The following LAMC3 variants were observed in gnomAD, a reference collection of about 807,000 sequenced individuals.
The protein encoded by LAMC3 is laminin subunit gamma-3.
A neutral mutation model predicts 173.8 loss-of-function variants in LAMC3; 128 were observed. The observed-to-expected ratio is 0.74, with a 90% CI of 0.64 to 0.85. The LOEUF is 0.85. Ranked by LOEUF, LAMC3 falls within the 40% of genes least tolerant of loss-of-function variation. LAMC3 has a pLI of 0.00. For synonymous variants in LAMC3, 897 were observed against 909.1 expected (o/e 0.99, Z 0.24); for missense variants, 2,022 against 2,156.0 (o/e 0.94, Z 1.23).
intron 22 of LAMC3, 47 bp downstream of exon 22, chr9:131,077,381 T>C: frequency 6.2e-7 from 1 of 1,607,150 alleles, no homozygotes; most frequent in Non-Finnish European, 8.5e-7. Context: ...GGAGGATCTA[T>C]TATAGAAGCT....
rs71501242 is a variant in LAMC3, at chr9:131,046,518, A to ATTTTTTTTTTTTTTTTTTTTTTT, written c.1519+862_1519+884dup. On this transcript the variant is annotated intron_variant, in intron 8 of 27. Transcript: ENST00000361069. Reference sequence around the variant, plus strand: ...ACCACCATGCCGAGCTAATTTTTGTATTTTTTTTTTTTTTTTTTTTTTTTT... The same window carrying ATTTTTTTTTTTTTTTTTTTTTTT: ...ACCACCATGCCGAGCTAATTTTTGTATTTTTTTTTTTTTTTTTTTTTTTTTTTTTTTTTTTTTTTTTTTTTTTT... Among the ~76,000 whole-genome samples, 386 of 49,162 alleles carry ATTTTTTTTTTTTTTTTTTTTTTT rather than the reference A, an allele frequency of 7.9e-3. 70 individuals carry two copies. Among genetic ancestry groups the ATTTTTTTTTTTTTTTTTTTTTTT allele is most frequent in the Non-Finnish European group, 0.011 (290 of 27,382 alleles). The allele number at this position is 49,162 out of a possible 152,430, so 32.3% of individuals were successfully genotyped here.
At chr9:131,013,022 T>A (rs1247467208) in intron 1 of LAMC3, among the ~76,000 whole-genome samples, 1 of 151,870 alleles carries the variant, frequency 6.6e-6, no homozygotes, top group Non-Finnish European at 1.5e-5. Flanking sequence ...GGCCTGGGAG[T>A]CAGTGGGGTG....
At chr9:131,065,198 C>G (rs1323101757) in intron 13 of LAMC3, among the ~76,000 whole-genome samples, 2 of 152,178 alleles carry the variant, frequency 1.3e-5, no homozygotes, top group Non-Finnish European at 2.9e-5. Flanking sequence ...GTGGCTGACA[C>G]CATGTGAAGC....
At chr9:131,034,325 C>T (rs112514064) in intron 3 of LAMC3, among the ~76,000 whole-genome samples, 7 of 152,350 alleles carry the variant, frequency 4.6e-5, no homozygotes, top group Admixed American at 1.3e-4. Flanking sequence ...GATTGCCTGG[C>T]GCCTGCCTCA....
intron 22 of LAMC3, among the ~76,000 whole-genome samples, chr9:131,078,688 C>T (rs1830177313): frequency 6.6e-6 from 1 of 152,176 alleles, no homozygotes; most frequent in African/African-American, 2.4e-5. Flanking sequence ...TAGGTAGAAC[C>T]TGCACAGTTC....
At chr9:131,019,488 G>A (rs768684928) in intron 1 of LAMC3, among the ~76,000 whole-genome samples, 2 of 152,208 alleles carry the variant, frequency 1.3e-5, no homozygotes, top group South Asian at 4.1e-4. Context: ...AGTCCTGACA[G>A]TGTGGATCAC....
At chr9:131,071,237 G>A (rs1019602965) in intron 17 of LAMC3, among the ~76,000 whole-genome samples, 2 of 152,148 alleles carry the variant, frequency 1.3e-5, no homozygotes, top group South Asian at 2.1e-4. Flanking sequence ...CCCACCTTCC[G>A]AGGTAGGACA....
chr9:131,018,358 CT>C (rs2133212691), intron 1 of LAMC3, among the ~76,000 whole-genome samples: 1 of 152,130 alleles, frequency 6.6e-6, no homozygotes, highest in South Asian at 2.1e-4. Flanking sequence ...TGGTCTCGAA[CT>C]CCTGAGCTCA....
chr9:131,034,939 ATTATTTAT>A (rs61062373), intron 3 of LAMC3, among the ~76,000 whole-genome samples: 12 of 150,464 alleles, frequency 8.0e-5, no homozygotes, highest in African/African-American at 2.7e-4. Flanking sequence ...ACCTGAGATG[ATTATTTAT>A]TTATTTATTT....
In LAMC3 at chr9:131,091,764, G is replaced by A. The variant is rs145287578; in HGVS notation, c.4705G>A (p.Glu1569Lys). The A allele has an allele frequency of 7.4e-6, 12 of 1,612,782 alleles. No individual in the cohort carries two copies. The highest frequency in any genetic ancestry group is 4.0e-5 in the African/African-American group (3 of 74,906). The change falls in exon 28 of 28, where the codon GAG becomes AAG. Residue 1569 changes from glutamate to lysine, a missense_variant. By Grantham distance (56) the Glu-to-Lys change is moderately conservative. Transcript: ENST00000361069. Reference protein sequence around the residue: ...NLEAILHSLPENCASWQ With the variant: ...NLEAILHSLPKNCASWQ The stretch of plus-strand genomic sequence containing the variant: ...GGAGGCCATTCTGCACAGCCTGCCC[G>A]AGAACTGTGCCAGCTGGCAGTGAGG...
Position 131,061,214 on chromosome 9 carries a change from G to A in LAMC3, c.2338G>A (p.Gly780Ser), listed in dbSNP as rs771067793. ...GGTGGTGTGTACCCACTGCCCCCCGGGCCAGAGAGGTAAGTGACTCCTGCC... is the reference window on the plus strand; with the variant it reads ...GGTGGTGTGTACCCACTGCCCCCCGAGCCAGAGAGGTAAGTGACTCCTGCC... ...REVVCTHCPP[G>S]QRGRRCEVCD... Residue 780 changes from glycine to serine, a missense_variant, in exon 13 of 28, where the codon GGC (glycine) becomes AGC (serine). Physicochemically the swap from Gly to Ser is moderately conservative, Grantham distance 56 (BLOSUM62 0). Transcript: ENST00000361069. 1 of 1,606,718 alleles carries A rather than the reference G, an allele frequency of 6.2e-7. No individual in the cohort carries two copies. The highest frequency in any genetic ancestry group is 1.7e-5 in the Admixed American group (1 of 59,932).
rs1380743922 is a variant in LAMC3, at chr9:131,072,663, G to A, written c.3245G>A (p.Ser1082Asn). Residue 1082 changes from serine to asparagine, a missense_variant, in exon 19 of 28, where the codon AGC becomes AAC. By Grantham distance (46) the Ser-to-Asn change is conservative. Transcript: ENST00000361069. ...AREAFLEQMM[S>N]LEGAVKAARE... ...GAAGCCTTCCTGGAGCAGATGATGA[G>A]CCTCGAGGGTGCTGTCAAGGCCGCC... 4 of 1,611,144 alleles carry A rather than the reference G, an allele frequency of 2.5e-6. No homozygotes were observed. The African/African-American group carries it at 4.0e-5, about 16-fold the overall frequency.
chr9:131,085,055 A>G (rs1211551235), intron 24 of LAMC3, among the ~76,000 whole-genome samples: 1 of 152,010 alleles, frequency 6.6e-6, no homozygotes, highest in Non-Finnish European at 1.5e-5. Flanking sequence ...ATTTTCTGGT[A>G]CTTCTCCCTC....
chr9:131,071,657 A>T (rs1264553912), intron 18 of LAMC3, 32 bp downstream of exon 18: 1 of 1,514,968 alleles, frequency 6.6e-7, no homozygotes, highest in South Asian at 1.3e-5. Flanking sequence ...GGAGGGTGGG[A>T]GGCAAGGGGA....
At chr9:131,032,525 T>G (rs1042488544) in intron 3 of LAMC3, among the ~76,000 whole-genome samples, 81 of 146,396 alleles carry the variant, frequency 5.5e-4, no homozygotes, top group African/African-American at 2.1e-3. Flanking sequence ...TCTCTTGCTC[T>G]CTCTCGCTGT....
chr9:131,040,027 T>TC (rs1834019942), intron 6 of LAMC3, among the ~76,000 whole-genome samples: 1 of 151,228 alleles, frequency 6.6e-6, no homozygotes, highest in South Asian at 2.1e-4. Context: ...TTTTTTTTTT[T>TC]TTTTTGAGAC....
intron 24 of LAMC3, among the ~76,000 whole-genome samples, chr9:131,084,581 T>A (rs1453380687): frequency 6.6e-6 from 1 of 152,166 alleles, no homozygotes; most frequent in Non-Finnish European, 1.5e-5. Context: ...TACTTCTTAT[T>A]GGATAATAAA....
chr9:131,069,072 C>T (rs1257463914), intron 16 of LAMC3, 22 bp downstream of exon 16: 25 of 1,612,506 alleles, frequency 1.6e-5, no homozygotes, highest in Non-Finnish European at 1.9e-5. Flanking sequence ...GGGTCCTTCC[C>T]GGGCTGCCCT....
chr9:131,080,164 T>C (rs767986296), intron 23 of LAMC3, among the ~76,000 whole-genome samples: 7 of 151,930 alleles, frequency 4.6e-5, no homozygotes, highest in Non-Finnish European at 7.4e-5. Context: ...TTAGTAGAGA[T>C]GGGGTTTCAC....
Sources: gnomAD v4.1 joint callset for allele counts (sites outside exome capture counted in the v4.1 genomes callset) on GRCh38, gnomAD v4.1.1 for gene constraint, MANE v1.5 for transcripts, NCBI Gene and HGNC (gene_info 2026-07-23, HGNC 2026-07-21) for gene names.